MGAT5: variants seen among roughly 807,000 people sequenced by gnomAD.
MGAT5 encodes the protein alpha-1,6-mannosylglycoprotein 6-beta-N-acetylglucosaminyltransferase A.
MGAT5 carries 30 observed loss-of-function variants against 94.3 expected under a neutral mutation model. That is an observed-to-expected ratio of 0.32 (90% CI 0.24 to 0.43). The LOEUF (loss-of-function observed/expected upper bound fraction) is 0.43. Among genes scored for constraint, MGAT5 ranks in the 20% least tolerant of loss-of-function variants. The pLI, the probability that MGAT5 is intolerant of heterozygous loss-of-function variation, is 1.00. For missense variants in MGAT5, 691 were observed against 905.5 expected (o/e 0.76, Z 3.04); for synonymous variants, 310 against 322.9 (o/e 0.96, Z 0.43).
chr2:134,400,442 A>T (rs952493438), intron 10 of MGAT5, among the ~76,000 whole-genome samples: 7 of 152,196 alleles, frequency 4.6e-5, no homozygotes, highest in African/African-American at 1.7e-4. Flanking sequence ...TACCATGCCT[A>T]AAAGTTAGTA....
intron 1 of MGAT5, among the ~76,000 whole-genome samples, chr2:134,232,822 T>G (rs770306456): frequency 4.8e-4 from 73 of 152,252 alleles, no homozygotes; most frequent in Non-Finnish European, 9.6e-4. Flanking sequence ...GGGTGGTGGT[T>G]GTTATGGTGT....
intron 1 of MGAT5, among the ~76,000 whole-genome samples, chr2:134,148,818 G>A (rs1687044741): frequency 6.8e-6 from 1 of 146,038 alleles, no homozygotes; most frequent in Non-Finnish European, 1.5e-5. Context: ...GAGTGCAGTA[G>A]TGTGATCTCG....
intron 11 of MGAT5, among the ~76,000 whole-genome samples, chr2:134,403,763 C>CAGCT (rs1186267413): frequency 6.6e-6 from 1 of 152,162 alleles, no homozygotes; most frequent in East Asian, 1.9e-4. Flanking sequence ...GAAGCCAACC[C>CAGCT]AGCTAGTCTA....
At chr2:134,384,930 A>G (rs1003421978) in intron 10 of MGAT5, among the ~76,000 whole-genome samples, 5 of 152,194 alleles carry the variant, frequency 3.3e-5, no homozygotes, top group African/African-American at 9.6e-5. Flanking sequence ...GGCTACTTTT[A>G]GTTTAGAGAA....
chr2:134,360,348 A>G (rs892135712), intron 9 of MGAT5, among the ~76,000 whole-genome samples: 7 of 152,120 alleles, frequency 4.6e-5, no homozygotes, highest in Non-Finnish European at 8.8e-5. Flanking sequence ...TATGTTACAT[A>G]TATGTATTTT....
chr2:134,237,782 G>T (rs1263758466), intron 1 of MGAT5, among the ~76,000 whole-genome samples: 1 of 141,438 alleles, frequency 7.1e-6, no homozygotes, highest in Non-Finnish European at 1.5e-5. Flanking sequence ...ATGGAGTCTT[G>T]CTCTGTCACT....
chr2:134,332,255 A>G (rs1688019659), intron 4 of MGAT5, among the ~76,000 whole-genome samples: 1 of 152,120 alleles, frequency 6.6e-6, no homozygotes, highest in Non-Finnish European at 1.5e-5. Flanking sequence ...GATCAATGGA[A>G]CAGAACAGAG....
chr2:134,292,117 C>T (rs1405629738), intron 2 of MGAT5, among the ~76,000 whole-genome samples: 3 of 152,048 alleles, frequency 2.0e-5, no homozygotes, highest in African/African-American at 7.2e-5. Flanking sequence ...ATTTCTTTAT[C>T]TTGCAAGGCA....
At chr2:134,327,187 TGA>T (rs1324704793) in intron 4 of MGAT5, among the ~76,000 whole-genome samples, 1 of 152,134 alleles carries the variant, frequency 6.6e-6, no homozygotes, top group Non-Finnish European at 1.5e-5. Context: ...CTAAGACATT[TGA>T]GTTGAGACAT....
intron 1 of MGAT5, among the ~76,000 whole-genome samples, chr2:134,262,811 CAG>C (rs1683420228): frequency 6.6e-6 from 1 of 152,192 alleles, no homozygotes; most frequent in Non-Finnish European, 1.5e-5. Context: ...TGTTTGAACA[CAG>C]GGCTTCAGCA....
chr2:134,370,241 A>G (rs777663997), intron 10 of MGAT5, among the ~76,000 whole-genome samples: 1 of 152,240 alleles, frequency 6.6e-6, no homozygotes, highest in African/African-American at 2.4e-5. Context: ...TAAAGAATGT[A>G]CTGAAACCCT....
chr2:134,220,751 G>A lies in MGAT5; in HGVS notation c.-142-33511G>A, dbSNP rs117475044. Among the ~76,000 whole-genome samples, 33 of 152,162 alleles carry A rather than the reference G, an allele frequency of 2.2e-4. No individual in the cohort carries two copies. In the East Asian group the frequency reaches 5.8e-3, roughly 27 times the overall value. ...TTCCTTTGCTCTAGTCTGTGTGCTC[G>A]CTCTTGTCCAGGGAACTTCCTTTTT... On this transcript the variant is annotated intron_variant, in intron 1 of 16. Transcript: ENST00000409645.
intron 2 of MGAT5, among the ~76,000 whole-genome samples, chr2:134,277,600 G>A (rs1017738215): frequency 2.0e-5 from 3 of 151,878 alleles, no homozygotes; most frequent in South Asian, 2.1e-4. Flanking sequence ...TGAGATTTGG[G>A]TAGGGACACA....
At chr2:134,156,955 T>C (rs1687508779) in intron 1 of MGAT5, among the ~76,000 whole-genome samples, 1 of 152,156 alleles carries the variant, frequency 6.6e-6, no homozygotes, top group Non-Finnish European at 1.5e-5. Context: ...TTCTATAAAT[T>C]GGGAATGATG....
chr2:134,394,333 GA>G (rs1222275204), intron 10 of MGAT5, among the ~76,000 whole-genome samples: 1 of 151,866 alleles, frequency 6.6e-6, no homozygotes, highest in Non-Finnish European at 1.5e-5. Context: ...TGCTTCATAT[GA>G]AAAAAAACTT....
chr2:134,339,243 T>C (rs1688498543), intron 6 of MGAT5, among the ~76,000 whole-genome samples: 1 of 152,134 alleles, frequency 6.6e-6, no homozygotes, highest in Non-Finnish European at 1.5e-5. Context: ...TGGAAGAGCA[T>C]GTGTTCAGAT....
At chr2:134,169,617 A>G (rs1448320041) in intron 1 of MGAT5, among the ~76,000 whole-genome samples, 1 of 152,230 alleles carries the variant, frequency 6.6e-6, no homozygotes, top group African/African-American at 2.4e-5. Context: ...GGTGGTATAC[A>G]GCACCTGATG....
intron 1 of MGAT5, among the ~76,000 whole-genome samples, chr2:134,242,793 C>T (rs1426453535): frequency 6.6e-6 from 1 of 152,164 alleles, no homozygotes; most frequent in African/African-American, 2.4e-5. Context: ...CAAATCATTT[C>T]TCATCTTTGG....
chr2:134,286,894 C>T (rs148227690), intron 2 of MGAT5, among the ~76,000 whole-genome samples: 58 of 152,306 alleles, frequency 3.8e-4, no homozygotes, highest in Admixed American at 1.8e-3. Flanking sequence ...ATTATCACAC[C>T]TAGATGTGAC....
Sources: gnomAD v4.1 joint callset for allele counts (sites outside exome capture counted in the v4.1 genomes callset) on GRCh38, gnomAD v4.1.1 for gene constraint, MANE v1.5 for transcripts, NCBI Gene and HGNC (gene_info 2026-07-23, HGNC 2026-07-21) for gene names.